CCDC138: variants seen among roughly 807,000 people sequenced by gnomAD.
CCDC138 encodes the protein coiled-coil domain-containing protein 138.
CCDC138 carries 66 observed loss-of-function variants against 82.3 expected under a neutral mutation model. The observed-to-expected ratio is 0.80, with a 90% confidence interval of 0.66 to 0.98. The LOEUF (loss-of-function observed/expected upper bound fraction) is 0.98, where lower values mean the gene tolerates loss of function less well. CCDC138 is among the 50% of genes least tolerant of loss of function. The pLI is 0.00. For missense variants in CCDC138, 816 were observed against 758.9 expected (o/e 1.08, Z -0.88); for synonymous variants, 297 against 265.4 (o/e 1.12, Z -1.16).
At chr2:108,798,785 TTCTC>T (rs2149550364) in intron 6 of CCDC138, among the ~76,000 whole-genome samples, 199 bp downstream of exon 6, 1 of 134,320 alleles carries the variant, frequency 7.4e-6, no homozygotes, top group Admixed American at 7.7e-5. Flanking sequence ...ATTTGCTTAT[TTCTC>T]CTTCCCTTCC....
At chr2:108,851,181 A>G (rs538762169) in intron 12 of CCDC138, among the ~76,000 whole-genome samples, 1 of 152,342 alleles carries the variant, frequency 6.6e-6, no homozygotes, top group South Asian at 2.1e-4. Context: ...AGCAAGGTAT[A>G]GGGGAAGGGG....
intron 5 of CCDC138, among the ~76,000 whole-genome samples, chr2:108,796,133 C>T (rs1680832456): frequency 6.6e-6 from 1 of 152,168 alleles, no homozygotes; most frequent in Non-Finnish European, 1.5e-5. Flanking sequence ...ACTGCAAGCT[C>T]CGCCTCCTGG....
intron 1 of CCDC138, 102 bp from the exon 2 acceptor site, chr2:108,787,930 C>A: frequency 1.0e-6 from 1 of 1,002,236 alleles, no homozygotes; most frequent in Non-Finnish European, 1.4e-6. Context: ...CAAGATTTCT[C>A]CACTCTAACC....
At chr2:108,875,413 G>T (rs1201879215) in intron 14 of CCDC138, among the ~76,000 whole-genome samples, 1 of 151,442 alleles carries the variant, frequency 6.6e-6, no homozygotes, top group Non-Finnish European at 1.5e-5. Context: ...GTATTCTATA[G>T]CCAAGTCAAA....
intron 11 of CCDC138, among the ~76,000 whole-genome samples, chr2:108,842,831 A>G (rs748376065): frequency 6.6e-6 from 1 of 152,238 alleles, no homozygotes; most frequent in Non-Finnish European, 1.5e-5. Context: ...TCAAATTATA[A>G]GCATTCACTA....
chr2:108,792,233 A>C (rs116453363), intron 4 of CCDC138, among the ~76,000 whole-genome samples: 3,200 of 152,280 alleles, frequency 0.021, 108 homozygotes, highest in African/African-American at 0.073. Flanking sequence ...CTGGGCTACA[A>C]GACTTTGAGT....
At chr2:108,878,696 G>C (rs1429651968), downstream of CCDC138, among the ~76,000 whole-genome samples, 1 of 152,228 alleles carries the variant, frequency 6.6e-6, no homozygotes, top group Non-Finnish European at 1.5e-5. Flanking sequence ...CAATATGTTA[G>C]TAGTAAGTAT....
intron 6 of CCDC138, among the ~76,000 whole-genome samples, chr2:108,800,172 GTTAATGCAT>G (rs1681661245): frequency 2.0e-5 from 3 of 152,170 alleles, no homozygotes; most frequent in Non-Finnish European, 4.4e-5. Flanking sequence ...AGACCTTCTG[GTTAATGCAT>G]AGATTTTGGG....
chr2:108,848,035 T>TA (rs1014243214), intron 12 of CCDC138, among the ~76,000 whole-genome samples: 5 of 152,304 alleles, frequency 3.3e-5, no homozygotes, highest in Admixed American at 2.0e-4. Flanking sequence ...AAATGGATTC[T>TA]AAATAAGAAT....
At chr2:108,834,523 T>A (rs1424628729) in intron 10 of CCDC138, among the ~76,000 whole-genome samples, 1 of 152,186 alleles carries the variant, frequency 6.6e-6, no homozygotes, top group Non-Finnish European at 1.5e-5. Context: ...CCTGAAAATG[T>A]CTTTTTATAC....
chr2:108,837,114 G>C, intron 10 of CCDC138, among the ~76,000 whole-genome samples: 1 of 152,108 alleles, frequency 6.6e-6, no homozygotes, highest in East Asian at 1.9e-4. Flanking sequence ...TGCTTGTCTT[G>C]TTCCTGATTT....
chr2:108,791,454 A>G, intron 3 of CCDC138: 1 of 528,576 alleles, frequency 1.9e-6, no homozygotes, highest in Non-Finnish European at 3.5e-6. Context: ...TTTTAAATTA[A>G]GTCTATTTAA....
At chr2:108,851,947 A>G (rs1015549410) in intron 12 of CCDC138, among the ~76,000 whole-genome samples, 1 of 152,156 alleles carries the variant, frequency 6.6e-6, no homozygotes, top group African/African-American at 2.4e-5. Flanking sequence ...AAACGATACA[A>G]TCTGCATTTG....
chr2:108,881,431 TATC>T (rs1244714690), downstream of CCDC138, among the ~76,000 whole-genome samples: 3 of 152,252 alleles, frequency 2.0e-5, no homozygotes, highest in African/African-American at 7.2e-5. Flanking sequence ...ACTTTCTCCT[TATC>T]AGCAATAAGG....
At chr2:108,827,400 A>G (rs760315622) in intron 10 of CCDC138, among the ~76,000 whole-genome samples, 27 of 152,242 alleles carry the variant, frequency 1.8e-4, no homozygotes, top group Non-Finnish European at 2.9e-4. Context: ...AATGTAGAAA[A>G]CTACAAATTT....
At chr2:108,794,486 A>G in intron 4 of CCDC138, 54 bp from the exon 5 acceptor site, 1 of 1,485,858 alleles carries the variant, frequency 6.7e-7, no homozygotes, top group Non-Finnish European at 9.2e-7. Context: ...CTCTGAGAAT[A>G]TTTGAAACAA....
At chr2:108,868,150 A>G (rs957775380) in intron 13 of CCDC138, among the ~76,000 whole-genome samples, 2 of 152,248 alleles carry the variant, frequency 1.3e-5, no homozygotes, top group Admixed American at 6.5e-5. Flanking sequence ...ATGTTGGCAG[A>G]TAAATAATTA....
chr2:108,882,939 G>A (rs1002848104), intron 2 of CCDC138: 5 of 151,930 alleles, frequency 3.3e-5, no homozygotes, highest in Admixed American at 1.3e-4. Flanking sequence ...TAGGAGCATC[G>A]AGATTAAAGG....
intron 7 of CCDC138, among the ~76,000 whole-genome samples, chr2:108,807,780 G>A (rs1683119362): frequency 6.6e-6 from 1 of 152,050 alleles, no homozygotes; most frequent in African/African-American, 2.4e-5. Context: ...ACCACACCTG[G>A]CTAATTTTTG....
Sources: allele counts gnomAD v4.1 joint callset (sites outside exome capture counted in the v4.1 genomes callset), GRCh38; gene constraint gnomAD v4.1.1; transcripts MANE v1.5; gene names NCBI Gene and HGNC (gene_info 2026-07-23, HGNC 2026-07-21).